The following OSBPL10 variants were observed in gnomAD, a reference collection of about 807,000 sequenced individuals.
OSBPL10 encodes the protein oxysterol binding protein like 10, also known as oxysterol-binding protein-related protein 10.
A neutral mutation model predicts 81.7 loss-of-function variants in OSBPL10; 49 were observed. That is an observed-to-expected ratio of 0.60 (90% confidence interval 0.48 to 0.76). The LOEUF (loss-of-function observed/expected upper bound fraction) is 0.76. Among genes scored for constraint, OSBPL10 ranks in the 30% least tolerant of loss-of-function variants. OSBPL10 has a pLI of 0.00. For synonymous variants in OSBPL10, 419 were observed against 383.6 expected (o/e 1.09, Z -1.08); for missense variants, 923 against 987.8 (o/e 0.93, Z 0.88).
At position 32,045,008 on chromosome 3, in the gene OSBPL10, C is replaced by T. The variant is rs116603015; in HGVS notation, n.298+1483G>A. Among the ~76,000 whole-genome samples the T allele has an allele frequency of 4.0e-3, 615 of 152,254 alleles. 6 individuals carry two copies. The highest frequency in any genetic ancestry group is 0.01 in the Middle Eastern group (3 of 294). ...TCCAGAAAAAATCAATTGTGTCTTC[C>T]TATTAAAATTAATTTGCAGTGTGAG... is the stretch of plus-strand genomic sequence containing the variant. On this transcript the variant is annotated intron_variant and non_coding_transcript_variant, in intron 2 of 3. Coordinates refer to the OSBPL10 transcript ENST00000479173.
intron 1 of OSBPL10, among the ~76,000 whole-genome samples, chr3:31,898,751 G>A (rs576482579): frequency 5.3e-5 from 8 of 152,020 alleles, no homozygotes; most frequent in Non-Finnish European, 1.0e-4. Context: ...AAGAAGTCTT[G>A]TTTGCAAAAA....
Position 31,737,436 on chromosome 3 carries a change from A to G in OSBPL10, c.941-4025T>C, listed in dbSNP as rs184192535. The stretch of plus-strand genomic sequence containing the variant: ...ACCAGGAAAGGTGTTTCCTCAGCAC[A>G]TAAATATAGGACAAAGCACCCTCTA... On this transcript the variant is annotated intron_variant, in intron 5 of 11. Coordinates refer to ENST00000396556, the MANE Select transcript of OSBPL10 (RefSeq NM_017784.5). 2.0e-5 allele frequency among the ~76,000 whole-genome samples: 3 copies of G among 152,336 alleles called. No homozygotes were observed. In the East Asian group the frequency reaches 5.8e-4, roughly 29 times the overall value.
intron 1 of OSBPL10, among the ~76,000 whole-genome samples, chr3:31,885,666 C>T (rs1011449329): frequency 6.6e-6 from 1 of 151,914 alleles, no homozygotes; most frequent in South Asian, 2.1e-4. Flanking sequence ...CAACCCTTAG[C>T]CAAACCCCAG....
intron 4 of OSBPL10, among the ~76,000 whole-genome samples, chr3:31,780,900 C>G (rs1038268895): frequency 6.6e-6 from 1 of 150,528 alleles, no homozygotes; most frequent in African/African-American, 2.5e-5. Flanking sequence ...CAAAGAACAA[C>G]TGGTACCAAT....
intron 1 of OSBPL10, among the ~76,000 whole-genome samples, chr3:31,911,961 C>T (rs575666639): frequency 1.3e-5 from 2 of 152,154 alleles, no homozygotes; most frequent in East Asian, 3.9e-4. Context: ...TGCAGACAAG[C>T]ATTGATTAAA....
At position 31,807,327 on chromosome 3, in the gene OSBPL10, C is replaced by T. The variant is rs149302885; in HGVS notation, c.729+22713G>A. Among the ~76,000 whole-genome samples the T allele has an allele frequency of 3.2e-3, 478 of 151,426 alleles. 1 individual carries two copies. The highest frequency in any genetic ancestry group is 0.011 in the African/African-American group (459 of 41,222). ...GGTGTAGGCTGCAGTGAGCAGAGAT[C>T]GTGCCACTACACTCCAGCCTGGGCG... On this transcript the variant is annotated intron_variant, in intron 4 of 11. Transcript: ENST00000396556.
chr3:31,801,740 A>G (rs999461754), intron 4 of OSBPL10, among the ~76,000 whole-genome samples: 5 of 152,220 alleles, frequency 3.3e-5, no homozygotes, highest in African/African-American at 1.2e-4. Flanking sequence ...TAGGAGGTCT[A>G]TATCAACTTC....
intron 4 of OSBPL10, among the ~76,000 whole-genome samples, chr3:31,819,410 A>AAATGTG (rs1286053979): frequency 7.2e-5 from 11 of 152,182 alleles, no homozygotes; most frequent in African/African-American, 2.7e-4. Flanking sequence ...TTTACATACG[A>AAATGTG]GAGATGTAAT....
chr3:32,054,779 C>T (rs9859824), intron 1 of OSBPL10, among the ~76,000 whole-genome samples: 3,388 of 152,194 alleles, frequency 0.022, 117 homozygotes, highest in African/African-American at 0.073. Flanking sequence ...GATCCACCTG[C>T]CTCAGCCTCC....
intron 8 of OSBPL10, among the ~76,000 whole-genome samples, chr3:31,672,379 G>A (rs1200905654): frequency 8.4e-6 from 1 of 118,586 alleles, no homozygotes; most frequent in Non-Finnish European, 1.8e-5. Flanking sequence ...GGGGCAGGAG[G>A]GAGGGAGAGG....
intron 5 of OSBPL10, among the ~76,000 whole-genome samples, chr3:31,743,037 T>G (rs1303078366): frequency 7.9e-5 from 11 of 138,864 alleles, no homozygotes; most frequent in African/African-American, 1.9e-4. Context: ...ATTAGTTTTT[T>G]TTTTTTTTTT....
chr3:32,026,294 G>A (rs1241705561), intron 2 of OSBPL10, among the ~76,000 whole-genome samples: 1 of 152,026 alleles, frequency 6.6e-6, no homozygotes, highest in East Asian at 1.9e-4. Flanking sequence ...GAGCCACCAT[G>A]CCCAGCTAAC....
intron 6 of OSBPL10, among the ~76,000 whole-genome samples, chr3:31,731,488 C>CTTTTTTT (rs202094117): frequency 7.0e-6 from 1 of 142,308 alleles, no homozygotes; most frequent in African/African-American, 2.6e-5. Flanking sequence ...TTATTTCTTT[C>CTTTTTTT]TTTTTTTTTT....
chr3:31,832,460 G>A (rs1700267903), intron 3 of OSBPL10, among the ~76,000 whole-genome samples: 1 of 152,168 alleles, frequency 6.6e-6, no homozygotes, highest in South Asian at 2.1e-4. Flanking sequence ...AGATAATGTG[G>A]AAATCATCTA....
intron 1 of OSBPL10, among the ~76,000 whole-genome samples, chr3:31,934,778 T>A (rs553975367): frequency 5.3e-4 from 81 of 152,126 alleles, no homozygotes; most frequent in African/African-American, 1.9e-3. Context: ...GGAAAAAAAA[T>A]TGGATATCCA....
Position 32,005,797 on chromosome 3 carries a change from C to T in OSBPL10, n.298+40694G>A, listed in dbSNP as rs562613182. 6.6e-5 allele frequency among the ~76,000 whole-genome samples: 10 copies of T among 152,056 alleles called. No homozygotes were observed. The South Asian group carries it at 1.5e-3, about 22-fold the overall frequency. ...AGAGATGGGGTTTCACCGTGTTAGC[C>T]GCATGGTCTCAGTCTCCTGACCTCG... is the stretch of plus-strand genomic sequence containing the variant. On this transcript the variant is annotated intron_variant and non_coding_transcript_variant, in intron 2 of 3. Transcript: ENST00000479173.
intron 4 of OSBPL10, among the ~76,000 whole-genome samples, chr3:31,771,124 A>C (rs1698369556): frequency 6.6e-6 from 1 of 152,242 alleles, no homozygotes; most frequent in Non-Finnish European, 1.5e-5. Flanking sequence ...GCTAATACAC[A>C]GCAAGTGTTA....
At chr3:32,020,980 C>A (rs1699358937) in intron 2 of OSBPL10, among the ~76,000 whole-genome samples, 1 of 152,196 alleles carries the variant, frequency 6.6e-6, no homozygotes, top group Non-Finnish European at 1.5e-5. Context: ...CTCTTTTTGG[C>A]TTGCAGATGG....
chr3:31,717,061 T>C (rs1321354202), intron 6 of OSBPL10: 3 of 152,174 alleles, frequency 2.0e-5, no homozygotes, highest in Admixed American at 6.5e-5. Flanking sequence ...CATTTACTGT[T>C]CTTTGCAGGC....
Sources: gnomAD v4.1 joint callset for allele counts (sites outside exome capture counted in the v4.1 genomes callset) on GRCh38, gnomAD v4.1.1 for gene constraint, MANE v1.5 for transcripts, NCBI Gene and HGNC (gene_info 2026-07-23, HGNC 2026-07-21) for gene names.